Variants in FAS observed in about 807,000 individuals in gnomAD.
FAS encodes the protein Fas cell surface death receptor.
Under a neutral mutation model 33.2 loss-of-function variants are expected in FAS, and 5 were observed. That is an observed-to-expected ratio of 0.15 (90% CI 0.08 to 0.32). The LOEUF is 0.32. Among genes scored for constraint, FAS ranks in the 10% least tolerant of loss-of-function variants. The pLI, the probability that FAS is intolerant of heterozygous loss-of-function variation, is 1.00. For synonymous variants in FAS, 131 were observed against 130.7 expected, an observed-to-expected ratio of 1.00 and a Z score of -0.01; for missense variants, 339 against 386.0, an observed-to-expected ratio of 0.88 and a Z score of 1.02.
intron 1 of FAS, among the ~76,000 whole-genome samples, chr10:89,000,634 T>C (rs1321193722): frequency 6.6e-6 from 1 of 152,216 alleles, no homozygotes; most frequent in Non-Finnish European, 1.5e-5. Flanking sequence ...CCTAACCTTC[T>C]ACTGTTGAAT....
intron 2 of FAS, chr10:88,975,092 T>C (rs1257291719): frequency 1.3e-5 from 2 of 152,122 alleles, no homozygotes; most frequent in Admixed American, 6.5e-5. Context: ...TTACAGGTTG[T>C]ATTAGTATCA....
intron 1 of FAS, among the ~76,000 whole-genome samples, chr10:88,998,689 C>T (rs1288855436): frequency 6.6e-6 from 1 of 152,174 alleles, no homozygotes; most frequent in East Asian, 1.9e-4. Flanking sequence ...GGGCCAGTCA[C>T]TTCACCAGTT....
upstream of FAS, chr10:88,990,733 C>G: frequency 2.1e-6 from 2 of 963,556 alleles, no homozygotes; most frequent in South Asian, 2.7e-5. The surrounding 1 kb of genome is among the most constrained non-coding windows in gnomAD (Gnocchi z 4.9). Flanking sequence ...TGGCTGGAGC[C>G]TCAGGGGCGG....
chr10:89,004,253 G>A (rs1452058603), intron 2 of FAS, among the ~76,000 whole-genome samples: 7 of 151,776 alleles, frequency 4.6e-5, no homozygotes, highest in Non-Finnish European at 1.0e-4. Flanking sequence ...TTGCTTTTTC[G>A]GTTTTGCTTT....
chr10:88,979,098 C>A (rs562907441), intron 2 of FAS, among the ~76,000 whole-genome samples: 1 of 152,052 alleles, frequency 6.6e-6, no homozygotes, highest in African/African-American at 2.4e-5. Context: ...CTGTCCACTG[C>A]CTGAAACACT....
At chr10:88,994,804 A>G (rs1847485520) in intron 1 of FAS, among the ~76,000 whole-genome samples, 2 of 151,306 alleles carry the variant, frequency 1.3e-5, no homozygotes, top group South Asian at 2.1e-4. Flanking sequence ...TGGGATTACT[A>G]TAATTTTTAT....
intron 2 of FAS, 108 bp from the exon 3 acceptor site, chr10:89,007,591 CT>C (rs1333045604): frequency 1.4e-6 from 2 of 1,410,394 alleles, no homozygotes; most frequent in Non-Finnish European, 1.9e-6. Context: ...CCTACCCCCC[CT>C]CCCCTTGTGT....
intron 1 of FAS, chr10:88,991,176 C>T (rs1847176394): frequency 3.4e-6 from 2 of 582,988 alleles, no homozygotes; most frequent in East Asian, 5.7e-5. Context: ...CGGGGCAGCT[C>T]CGGCGCTCCT....
chr10:89,011,916 A>G (rs999052191), intron 6 of FAS, 83 bp from the exon 7 acceptor site: 1 of 1,227,082 alleles, frequency 8.1e-7, no homozygotes, highest in Non-Finnish European at 1.2e-6. Flanking sequence ...TCCTTCTTAT[A>G]TTTCTCTTAG....
chr10:88,967,291 C>A (rs1190228023), intron 1 of FAS, among the ~76,000 whole-genome samples: 3 of 152,134 alleles, frequency 2.0e-5, no homozygotes, highest in African/African-American at 7.2e-5. Context: ...AAGGCATCAT[C>A]AGGTAGGGGC....
At chr10:88,993,310 T>TTA in intron 1 of FAS, among the ~76,000 whole-genome samples, 1 of 152,018 alleles carries the variant, frequency 6.6e-6, no homozygotes, top group Admixed American at 6.5e-5. Context: ...GTTGCATTTT[T>TTA]TTTTTTTATT....
chr10:89,009,649 G>C (rs901900982), intron 4 of FAS, among the ~76,000 whole-genome samples: 4 of 152,116 alleles, frequency 2.6e-5, no homozygotes, highest in African/African-American at 9.7e-5. Flanking sequence ...GAAGCTTTTA[G>C]GAGTTCATCT....
At chr10:88,984,320 G>A (rs867730912), upstream of FAS, among the ~76,000 whole-genome samples, 1 of 152,118 alleles carries the variant, frequency 6.6e-6, no homozygotes, top group Non-Finnish European at 1.5e-5. Flanking sequence ...TAAAGTGGGA[G>A]GTGTTGATCT....
intron 2 of FAS, among the ~76,000 whole-genome samples, chr10:88,979,145 T>G (rs1457493256): frequency 6.6e-6 from 1 of 152,096 alleles, no homozygotes; most frequent in African/African-American, 2.4e-5. Flanking sequence ...ACAATTAAAA[T>G]TATAGATTCT....
chr10:88,975,120 A>G (rs962036514), intron 2 of FAS: 4 of 151,600 alleles, frequency 2.6e-5, no homozygotes, highest in African/African-American at 9.7e-5. Context: ...TTACCCACTG[A>G]AGTGAAAGTG....
intron 1 of FAS, among the ~76,000 whole-genome samples, chr10:88,967,190 G>T (rs749939095): frequency 6.6e-6 from 1 of 152,252 alleles, no homozygotes; most frequent in East Asian, 1.9e-4. Context: ...ACCCTATAGG[G>T]TAATTTTATA....
intron 1 of FAS, among the ~76,000 whole-genome samples, chr10:88,965,104 A>T (rs1356869208): frequency 6.6e-6 from 1 of 151,922 alleles, no homozygotes; most frequent in Non-Finnish European, 1.5e-5. Context: ...TCTACAGCAA[A>T]CCTTCTTAGA....
At chr10:88,991,072 C>A in intron 1 of FAS, 166 bp downstream of exon 1, 1 of 806,564 alleles carries the variant, frequency 1.2e-6, no homozygotes, top group Non-Finnish European at 2.0e-6. Context: ...CTCCCGGGGG[C>A]TGTTAGGACC....
chr10:88,986,093 A>C (rs1308805865), upstream of FAS, among the ~76,000 whole-genome samples: 2 of 152,174 alleles, frequency 1.3e-5, no homozygotes, highest in African/African-American at 2.4e-5. Flanking sequence ...ATTATTAGTT[A>C]AATATATATT....
Sources: allele counts gnomAD v4.1 joint callset (sites outside exome capture counted in the v4.1 genomes callset), GRCh38; gene constraint gnomAD v4.1.1; non-coding constraint Gnocchi (gnomAD v3.1); transcripts MANE v1.5; gene names NCBI Gene and HGNC (gene_info 2026-07-23, HGNC 2026-07-21).